ISY1: variants seen among roughly 807,000 people sequenced by gnomAD.
The protein encoded by ISY1 is pre-mRNA-splicing factor ISY1 homolog.
Under a neutral mutation model 54.4 loss-of-function variants are expected in ISY1, and 12 were observed. The observed-to-expected ratio is 0.22, with a 90% CI of 0.14 to 0.36. The LOEUF (loss-of-function observed/expected upper bound fraction) is 0.36, where lower values mean the gene tolerates loss of function less well. ISY1 is among the 10% of genes least tolerant of loss of function. ISY1 has a pLI of 1.00. For synonymous variants in ISY1, 96 were observed against 117.9 expected, an observed-to-expected ratio of 0.81 and a Z score of 1.20; for missense variants, 282 against 342.2, an observed-to-expected ratio of 0.82 and a Z score of 1.39.
At chr3:129,152,137 T>C (rs1936989441) in intron 5 of ISY1, among the ~76,000 whole-genome samples, 1 of 151,746 alleles carries the variant, frequency 6.6e-6, no homozygotes, top group African/African-American at 2.4e-5. Flanking sequence ...CCAGCATGGG[T>C]GACAAGAGCA....
intron 7 of ISY1, among the ~76,000 whole-genome samples, chr3:129,138,479 C>CA (rs1301632584): frequency 3.0e-4 from 43 of 144,404 alleles, no homozygotes; most frequent in Admixed American, 3.5e-4. Context: ...ACTAAAAATA[C>CA]AAAAAAAAAA....
chr3:129,140,306 T>G, intron 7 of ISY1, 62 bp downstream of exon 7: 1 of 1,444,204 alleles, frequency 6.9e-7, no homozygotes, highest in South Asian at 1.3e-5. Context: ...AGTTAGCATA[T>G]AGCATATCTA....
Position 129,161,035 on chromosome 3 carries a change from C to A in ISY1, c.-60G>T. On this transcript the variant is annotated 5_prime_UTR_variant, in exon 1 of 11. Coordinates refer to ENST00000393295, the MANE Select transcript of ISY1 (RefSeq NM_020701.4). ...GCCCCTGTCCAAGAAACTCCACAGG[C>A]CCAGAAGACGCCGACGCTCACAGGA... 2.6e-6 allele frequency: 4 copies of A among 1,543,526 alleles called. No individual in the cohort carries two copies. The highest frequency in any genetic ancestry group is 3.5e-6 in the Non-Finnish European group (4 of 1,143,912).
chr3:129,130,569 G>A lies in ISY1; in HGVS notation c.731C>T (p.Pro244Leu), dbSNP rs1444942292. 1 of 1,614,166 alleles carries A rather than the reference G, an allele frequency of 6.2e-7. No homozygotes were observed. The highest frequency in any genetic ancestry group is 1.7e-5 in the Admixed American group (1 of 60,012). ...TCCTACCTCTTGCTGCGAGGGAACA[G>A]GGACGTGAGCAATGAACTTCTGCTG... ...DSQQKFIAHV[P>L]VPSQQEIEEA... The change falls in exon 10 of 11, where the codon CCT becomes CTT. Residue 244 changes from proline (P) to leucine (L), a missense_variant. Physicochemically the swap from Pro to Leu is moderately conservative, Grantham distance 98. Around this residue, in one of 2 missense-constraint regions of ISY1, gnomAD observed 279 missense variants for 323.6 expected, o/e 0.86. Coordinates refer to ENST00000393295, the MANE Select transcript of ISY1 (RefSeq NM_020701.4).
Position 129,128,268 on chromosome 3 carries a change from A to T in ISY1, c.*1813T>A, listed in dbSNP as rs566476221. The stretch of plus-strand genomic sequence containing the variant: ...AAGGGCTCCCAAAGCTTCAACCTGG[A>T]CACCTCTCCTCCCTGCACACATTTG... On this transcript the variant is annotated 3_prime_UTR_variant, in exon 11 of 11. Transcript: ENST00000393295. 2.0e-5 allele frequency: 3 copies of T among 152,444 alleles called. No individual in the cohort carries two copies. The highest frequency in any genetic ancestry group is 6.6e-5 in the Admixed American group (1 of 15,252). 9.4% of individuals were successfully genotyped at this position (152,444 alleles called of 1,614,324 possible).
chr3:129,154,802 C>T (rs916080886), intron 5 of ISY1, among the ~76,000 whole-genome samples: 1 of 151,528 alleles, frequency 6.6e-6, no homozygotes, highest in African/African-American at 2.4e-5. Context: ...CATTCTCCTG[C>T]CTCAGCCTCC....
chr3:129,152,134 G>A (rs1304434706), intron 5 of ISY1, among the ~76,000 whole-genome samples: 1 of 151,856 alleles, frequency 6.6e-6, no homozygotes, highest in African/African-American at 2.4e-5. Flanking sequence ...ACTCCAGCAT[G>A]GGTGACAAGA....
At chr3:129,159,234 C>A in intron 1 of ISY1, 58 bp from the exon 2 acceptor site, 1 of 1,576,712 alleles carries the variant, frequency 6.3e-7, no homozygotes, top group Non-Finnish European at 8.6e-7. Flanking sequence ...TTTTTTCTTG[C>A]CCTTTACTTT....
At chr3:129,130,311 T>G (rs993303998) in intron 10 of ISY1, 123 bp from the exon 11 acceptor site, 15 of 1,362,410 alleles carry the variant, frequency 1.1e-5, no homozygotes, top group Non-Finnish European at 1.5e-5. Context: ...ATACGCAGAA[T>G]AGTCTCCAAG....
chr3:129,156,693 T>A lies in ISY1; in HGVS notation c.145-18A>T, dbSNP rs1197723554. Reference sequence around the variant, plus strand: ...CCAATGATCTATTAAAAAAAAGTAATACATTTTAATAATTTTTGAATATGT... The same window carrying A: ...CCAATGATCTATTAAAAAAAAGTAAAACATTTTAATAATTTTTGAATATGT... On this transcript the variant is annotated intron_variant, in intron 4 of 10. Coordinates refer to ENST00000393295, the MANE Select transcript of ISY1 (RefSeq NM_020701.4). The A allele has an allele frequency of 6.3e-7, 1 of 1,589,380 alleles. No homozygotes were observed. The highest frequency in any genetic ancestry group is 2.3e-5 in the East Asian group (1 of 44,430).
intron 5 of ISY1, among the ~76,000 whole-genome samples, chr3:129,156,415 A>AAAT (rs1937143571): frequency 6.6e-6 from 1 of 151,594 alleles, no homozygotes; most frequent in Non-Finnish European, 1.5e-5. Flanking sequence ...AAAAAAAAAA[A>AAAT]ATGACGTATT....
At position 129,161,054 on chromosome 3, in the gene ISY1, C is replaced by T; in HGVS notation, c.-79G>A. 1.3e-6 allele frequency: 2 copies of T among 1,538,930 alleles called. No homozygotes were observed. Among genetic ancestry groups the T allele is most frequent in the Non-Finnish European group, 1.8e-6 (2 of 1,142,570 alleles). ...CACAGGCCCAGAAGACGCCGACGCTCACAGGAACTGAAGATTCCAACTACC... is the reference window on the plus strand; with the variant it reads ...CACAGGCCCAGAAGACGCCGACGCTTACAGGAACTGAAGATTCCAACTACC... On this transcript the variant is annotated 5_prime_UTR_variant, in exon 1 of 11. Coordinates refer to ENST00000393295, the MANE Select transcript of ISY1 (RefSeq NM_020701.4).
At chr3:129,149,233 A>C (rs1318999387) in intron 5 of ISY1, among the ~76,000 whole-genome samples, 1 of 150,534 alleles carries the variant, frequency 6.6e-6, no homozygotes, top group Non-Finnish European at 1.5e-5. Context: ...GGAGTTCGAG[A>C]CCAGTTTGAC....
intron 5 of ISY1, among the ~76,000 whole-genome samples, chr3:129,151,562 G>A (rs755374725): frequency 1.9e-4 from 29 of 152,092 alleles, no homozygotes; most frequent in Non-Finnish European, 1.6e-4. Flanking sequence ...CCAGGGGACA[G>A]AGGTTGCAGT....
At chr3:129,130,479 AC>A in intron 10 of ISY1, 70 bp downstream of exon 10, 1 of 1,564,714 alleles carries the variant, frequency 6.4e-7, no homozygotes, top group Non-Finnish European at 8.7e-7. Context: ...ACGAAAACCC[AC>A]TACAGTGCTC....
At chr3:129,160,472 T>G (rs1309350766) in intron 1 of ISY1, among the ~76,000 whole-genome samples, 1 of 151,954 alleles carries the variant, frequency 6.6e-6, no homozygotes, top group Non-Finnish European at 1.5e-5. Flanking sequence ...ATTCATTTAT[T>G]CAATAGTTAT....
intron 5 of ISY1, among the ~76,000 whole-genome samples, chr3:129,154,242 CAA>C (rs777277943): frequency 7.7e-4 from 37 of 47,796 alleles, no homozygotes; most frequent in African/African-American, 2.4e-3. Context: ...GACTCTGTCT[CAA>C]AAAAAAAAAA....
chr3:129,129,637 G>A lies in ISY1; in HGVS notation c.*444C>T, dbSNP rs565650140. 1.3e-5 allele frequency: 2 copies of A among 152,628 alleles called. No individual in the cohort carries two copies. Among genetic ancestry groups the A allele is most frequent in the African/African-American group, 4.8e-5 (2 of 41,592 alleles). The allele number at this position is 152,628 out of a possible 1,614,324, so 9.5% of individuals were successfully genotyped here. A position where few individuals can be genotyped will look rare whatever the true frequency, so the allele number is the denominator to read the frequency against. ...GACCCGCCCGCCTCGGCCTCCCAAA[G>A]TGCTGGGGTTACAGGCGTGAGCCAC... is the stretch of plus-strand genomic sequence containing the variant. On this transcript the variant is annotated 3_prime_UTR_variant, in exon 11 of 11. Transcript: ENST00000393295.
intron 7 of ISY1, among the ~76,000 whole-genome samples, chr3:129,135,576 C>T (rs1162388935): frequency 6.6e-6 from 1 of 151,804 alleles, no homozygotes; most frequent in Non-Finnish European, 1.5e-5. Flanking sequence ...CCAGCGTGGC[C>T]AATATGGTGA....
Sources: allele counts gnomAD v4.1 joint callset (sites outside exome capture counted in the v4.1 genomes callset), GRCh38; gene constraint gnomAD v4.1.1; regional missense constraint gnomAD v4.1.1; transcripts MANE v1.5; gene names NCBI Gene and HGNC (gene_info 2026-07-23, HGNC 2026-07-21).